The following SIX1 variants were observed in gnomAD, a reference collection of about 807,000 sequenced individuals.
SIX1 encodes SIX homeobox 1, also known as homeobox protein SIX1.
Under a neutral mutation model 26.5 loss-of-function variants are expected in SIX1, and 11 were observed. The observed-to-expected ratio is 0.41, with a 90% CI of 0.26 to 0.69. The LOEUF is 0.69. Ranked by LOEUF, SIX1 falls within the 30% of genes least tolerant of loss-of-function variation. The probability of loss-of-function intolerance (pLI) is 0.28; values close to 1 mark genes in which losing one functional copy is unlikely to be tolerated. For missense variants in SIX1, 333 were observed against 365.9 expected, an observed-to-expected ratio of 0.91 and a Z score of 0.73; for synonymous variants, 177 against 166.2, an observed-to-expected ratio of 1.06 and a Z score of -0.50.
rs1894933626 is a variant in SIX1 at position 60,646,037 on chromosome 14, CT to C, written c.*245del. 4 of 302,680 alleles carry C rather than the reference CT, an allele frequency of 1.3e-5. No homozygotes were observed. The highest frequency in any genetic ancestry group is 1.1e-4 in the Admixed American group (2 of 18,784). The allele number at this position is 302,680 out of a possible 1,614,324, so 18.7% of individuals were successfully genotyped here. On this transcript the variant is annotated 3_prime_UTR_variant, in exon 2 of 2. Transcript: ENST00000645694. Reference sequence around the variant, plus strand: ...TTTGGGTTTTTTTTTTTTTTTTTCCCTGATCTCTGCATTGGGAAGGAAAATG... The same window carrying C: ...TTTGGGTTTTTTTTTTTTTTTTTCCCGATCTCTGCATTGGGAAGGAAAATG...
In SIX1 at chr14:60,646,017, GTTTTTT is replaced by G; in HGVS notation, c.*260_*265del. 1.0e-5 allele frequency: 2 copies of G among 193,430 alleles called. No homozygotes were observed. Among genetic ancestry groups the G allele is most frequent in the Non-Finnish European group, 2.0e-5 (2 of 101,902 alleles). The allele number at this position is 193,430 out of a possible 1,614,324, so 12.0% of individuals were successfully genotyped here. A position where few individuals can be genotyped will look rare whatever the true frequency, so the allele number is the denominator to read the frequency against. On this transcript the variant is annotated 3_prime_UTR_variant, in exon 2 of 2. Coordinates refer to ENST00000645694, the MANE Select transcript of SIX1 (RefSeq NM_005982.4). The stretch of plus-strand genomic sequence containing the variant: ...TGCCTGGGTGCTTTTGTTTGTTTGG[GTTTTTT>G]TTTTTTTTTTTCCCTGATCTCTGCA...
chr14:60,646,607 TAAAAAAAAA>T (rs34899649), intron 1 of SIX1, 30 bp from the exon 2 acceptor site: 143 of 831,530 alleles, frequency 1.7e-4, no homozygotes, highest in East Asian at 9.6e-4. Context: ...ACCATATGGT[TAAAAAAAAA>T]AAAAAAAAAA....
Position 60,646,403 on chromosome 14 carries a change from G to A in SIX1, c.735C>T (p.Asn245=). ...AGGCTGTTAAGCCCGGGAGAGAATA[G>A]TTTGAGCTCCTGGCGTGGCCCATAT... ...QGNMGHARSS[N]YSLPGLTASQ... The change falls in exon 2 of 2, where the codon AAC becomes AAT. Residue 245 remains asparagine, a synonymous_variant. Transcript: ENST00000645694. 1 of 1,614,066 alleles carries A rather than the reference G, an allele frequency of 6.2e-7. No homozygotes were observed. The highest frequency in any genetic ancestry group is 8.5e-7 in the Non-Finnish European group (1 of 1,180,018).
rs1433731573 is a variant in SIX1 at position 60,646,082 on chromosome 14, GAGAGA to G, written c.*196_*200del. ...GAAAATGCAAAAGTGGAAAGAGTTG[GAGAGA>G]AGAGGAGATTAAGCTTGAGATCGCT... On this transcript the variant is annotated 3_prime_UTR_variant, in exon 2 of 2. Coordinates refer to ENST00000645694, the MANE Select transcript of SIX1 (RefSeq NM_005982.4). 1.3e-5 allele frequency: 7 copies of G among 530,614 alleles called. No homozygotes were observed. The highest frequency in any genetic ancestry group is 1.1e-4 in the African/African-American group (6 of 52,622). 32.9% of individuals were successfully genotyped at this position (530,614 alleles called of 1,614,324 possible). A position where few individuals can be genotyped will look rare whatever the true frequency, so the allele number is the denominator to read the frequency against.
rs200205240 is a variant in SIX1 at position 60,646,384 on chromosome 14, T to A, written c.754A>T (p.Thr252Ser). The A allele has an allele frequency of 8.1e-6, 13 of 1,613,876 alleles. No homozygotes were observed. In the African/African-American group the frequency reaches 1.7e-4, roughly 22 times the overall value. ...AGGCCGTGACTGGGCTGCGAGGCTG[T>A]TAAGCCCGGGAGAGAATAGTTTGAG... The part of the protein sequence containing the change: ...RSSNYSLPGL[T>S]ASQPSHGLQT... Residue 252 changes from threonine to serine, a missense_variant, in exon 2 of 2, where the codon ACA becomes TCA. Thr to Ser is a moderately conservative substitution (Grantham distance 58). This residue lies in a region of SIX1 where 199 missense variants were observed against 215.2 expected (regional missense o/e 0.92). Coordinates refer to ENST00000645694, the MANE Select transcript of SIX1 (RefSeq NM_005982.4).
In SIX1 at chr14:60,648,607, G is replaced by A. The variant is rs1460226652; in HGVS notation, c.560+23C>T. The A allele has an allele frequency of 1.3e-6, 2 of 1,597,230 alleles. No homozygotes were observed. Among genetic ancestry groups the A allele is most frequent in the Admixed American group, 1.7e-5 (1 of 57,302 alleles). ...AGGACGGCTTCCTAGGGTCGCCCGA[G>A]TCGCGGGAAGCACGCCGCGTACCTT... On this transcript the variant is annotated intron_variant, in intron 1 of 1. Coordinates refer to ENST00000645694, the MANE Select transcript of SIX1 (RefSeq NM_005982.4). The surrounding 1 kb of genome is among the most constrained non-coding windows in gnomAD (Gnocchi z 7.9).
At position 60,647,651 on chromosome 14, in the gene SIX1, A is replaced by C. The variant is rs1378030621; in HGVS notation, c.560+979T>G. Among the ~76,000 whole-genome samples the C allele has an allele frequency of 1.3e-5, 2 of 151,516 alleles. No homozygotes were observed. The highest frequency in any genetic ancestry group is 6.6e-5 in the Admixed American group (1 of 15,220). ...AAAGGGAGCAAGATCTTCGGCCCCT[A>C]GTCTTGGAAGCGAACAAAGGAAAAC... On this transcript the variant is annotated intron_variant, in intron 1 of 1. Coordinates refer to ENST00000645694, the MANE Select transcript of SIX1 (RefSeq NM_005982.4). The surrounding 1 kb of genome is among the most constrained non-coding windows in gnomAD (Gnocchi z 5.1).
Position 60,646,324 on chromosome 14 carries a change from G to A in SIX1, c.814C>T (p.Leu272Phe). The A allele has an allele frequency of 6.2e-7, 1 of 1,613,758 alleles. No individual in the cohort carries two copies. The highest frequency in any genetic ancestry group is 8.5e-7 in the Non-Finnish European group (1 of 1,179,840). The change falls in exon 2 of 2, where the codon CTC (leucine) becomes TTC (phenylalanine). Residue 272 changes from leucine (L) to phenylalanine (F), a missense_variant. This residue lies in a region of SIX1 where 199 missense variants were observed against 215.2 expected (regional missense o/e 0.92). Coordinates refer to ENST00000645694, the MANE Select transcript of SIX1 (RefSeq NM_005982.4). ...ACCAGACTGGAGGTGAGGGGGCCGA[G>A]CAGAGAGTCTTGGAGCTGATGCTGG... ...THQHQLQDSL[L>F]GPLTSSLVDL...
chr14:60,648,551 GC>G lies in SIX1; in HGVS notation c.560+78del. On this transcript the variant is annotated intron_variant, in intron 1 of 1. Transcript: ENST00000645694. The surrounding 1 kb of genome is among the most constrained non-coding windows in gnomAD (Gnocchi z 7.9). ...CGGCGGGGAGGACTTGGTGGCTGGT[GC>G]CTGCGGGGGCGGGAGGGGGCGGAGG... 1 of 1,420,532 alleles carries G rather than the reference GC, an allele frequency of 7.0e-7. No homozygotes were observed. The highest frequency in any genetic ancestry group is 9.6e-7 in the Non-Finnish European group (1 of 1,036,418). 88.0% of individuals were successfully genotyped at this position (1,420,532 alleles called of 1,614,324 possible).
At position 60,648,584 on chromosome 14, in the gene SIX1, G is replaced by T; in HGVS notation, c.560+46C>A. 6.4e-7 allele frequency: 1 copy of T among 1,555,610 alleles called. No individual in the cohort carries two copies. ...GGGCGGGAGGGGGCGGAGGAGAAAGGACGGCTTCCTAGGGTCGCCCGAGTC... is the reference window on the plus strand; with the variant it reads ...GGGCGGGAGGGGGCGGAGGAGAAAGTACGGCTTCCTAGGGTCGCCCGAGTC... On this transcript the variant is annotated intron_variant, in intron 1 of 1. Transcript: ENST00000645694. This position sits in a 1 kb window ranked among gnomAD's most constrained non-coding sequence, Gnocchi z 7.9.
chr14:60,647,492 C>T lies in SIX1; in HGVS notation c.561-915G>A, dbSNP rs535759902. 6.6e-6 allele frequency among the ~76,000 whole-genome samples: 1 copy of T among 152,220 alleles called. No individual in the cohort carries two copies. Among genetic ancestry groups the T allele is most frequent in the Admixed American group, 6.5e-5 (1 of 15,288 alleles). ...CGCTTCCCTCGCCGCTTCCGCCTTC[C>T]GAGTGCTCGTCAGTCCTCCCGACTC... On this transcript the variant is annotated intron_variant, in intron 1 of 1. Transcript: ENST00000645694. This position sits in a 1 kb window ranked among gnomAD's most constrained non-coding sequence, Gnocchi z 5.1.
In SIX1 at chr14:60,645,170, C is replaced by G. The variant is rs1461321396; in HGVS notation, c.*1113G>C. 2 of 151,776 alleles carry G rather than the reference C, an allele frequency of 1.3e-5. No homozygotes were observed. The highest frequency in any genetic ancestry group is 3.9e-4 in the East Asian group (2 of 5,194). The allele number at this position is 151,776 out of a possible 1,614,324, so 9.4% of individuals were successfully genotyped here. A position where few individuals can be genotyped will look rare whatever the true frequency, so the allele number is the denominator to read the frequency against. On this transcript the variant is annotated 3_prime_UTR_variant, in exon 2 of 2. Transcript: ENST00000645694. This position sits in a 1 kb window ranked among gnomAD's most constrained non-coding sequence, Gnocchi z 4.6. ...GGCCTTCAAAGTACCCTGCAATTCACAGCCACCATTAAGTAAGAAAGAAAA... is the reference window on the plus strand; with the variant it reads ...GGCCTTCAAAGTACCCTGCAATTCAGAGCCACCATTAAGTAAGAAAGAAAA...
Position 60,648,930 on chromosome 14 carries a change from C to G in SIX1, c.260G>C (p.Trp87Ser). 1 of 1,614,232 alleles carries G rather than the reference C, an allele frequency of 6.2e-7. No homozygotes were observed. Among genetic ancestry groups the G allele is most frequent in the Non-Finnish European group, 8.5e-7 (1 of 1,180,040 alleles). Residue 87 changes from tryptophan to serine, a missense_variant, in exon 1 of 2, where the codon TGG (tryptophan) becomes TCG (serine). Transcript: ENST00000645694. The surrounding 1 kb of genome is among the most constrained non-coding windows in gnomAD (Gnocchi z 7.9). ...PHNHPKLQQL[W>S]LKAHYVEAEK... Reference sequence around the variant, plus strand: ...GGCCTCCACGTAATGCGCCTTCAGCCACAGTTGCTGCAGTTTGGGGTGGTT... The same window carrying G: ...GGCCTCCACGTAATGCGCCTTCAGCGACAGTTGCTGCAGTTTGGGGTGGTT...
Position 60,648,210 on chromosome 14 carries a change from T to A in SIX1, c.560+420A>T, listed in dbSNP as rs979907215. ...CAATGTCTCAGGCCAGCTTCACCCC[T>A]CTGGGGAGCAAGAGGAGAGAGGTTC... is the stretch of plus-strand genomic sequence containing the variant. On this transcript the variant is annotated intron_variant, in intron 1 of 1. Coordinates refer to ENST00000645694, the MANE Select transcript of SIX1 (RefSeq NM_005982.4). The surrounding 1 kb of genome is among the most constrained non-coding windows in gnomAD (Gnocchi z 7.9). Among the ~76,000 whole-genome samples the A allele has an allele frequency of 6.6e-6, 1 of 151,782 alleles. No individual in the cohort carries two copies. Among genetic ancestry groups the A allele is most frequent in the Non-Finnish European group, 1.5e-5 (1 of 67,812 alleles).
rs908506374 is a variant in SIX1, at chr14:60,644,608, G to A, written c.*1675C>T. ...TATTAATGGTGACAATTATAGATGG[G>A]AAAAAATCAAAATTATGAAACTGTC... On this transcript the variant is annotated 3_prime_UTR_variant, in exon 2 of 2. Transcript: ENST00000645694. 6.6e-6 allele frequency: 1 copy of A among 152,154 alleles called. No homozygotes were observed. 9.4% of individuals were successfully genotyped at this position (152,154 alleles called of 1,614,324 possible).
rs1457650444 is a variant in SIX1 at position 60,647,157 on chromosome 14, C to G, written c.561-580G>C. 1.3e-5 allele frequency among the ~76,000 whole-genome samples: 2 copies of G among 152,302 alleles called. No homozygotes were observed. Among genetic ancestry groups the G allele is most frequent in the South Asian group, 2.1e-4 (1 of 4,824 alleles). On this transcript the variant is annotated intron_variant, in intron 1 of 1. Coordinates refer to ENST00000645694, the MANE Select transcript of SIX1 (RefSeq NM_005982.4). This position sits in a 1 kb window ranked among gnomAD's most constrained non-coding sequence, Gnocchi z 5.1. ...AGGTCATGGGAAGTGGTGCCCAGCG[C>G]GGCCCAGTGACCTGAGTAAACACAG... is the stretch of plus-strand genomic sequence containing the variant.
chr14:60,648,647 G>T lies in SIX1; in HGVS notation c.543C>A (p.Ala181=), dbSNP rs764138955. 1 of 1,613,710 alleles carries T rather than the reference G, an allele frequency of 6.2e-7. No homozygotes were observed. Among genetic ancestry groups the T allele is most frequent in the Admixed American group, 1.7e-5 (1 of 59,970 alleles). The change falls in exon 1 of 2, where the codon GCC becomes GCA. Residue 181 remains alanine (A), a synonymous_variant. Transcript: ENST00000645694. The surrounding 1 kb of genome is among the most constrained non-coding windows in gnomAD (Gnocchi z 7.9). ...WFKNRRQRDR[A]AEAKERENTE... ...CCGCGTACCTTTCCTTGGCCTCCGC[G>T]GCCCGGTCTCTTTGCCTCCGGTTCT...
At position 60,648,375 on chromosome 14, in the gene SIX1, A is replaced by C. The variant is rs1894989347; in HGVS notation, c.560+255T>G. ...AGGCATAAAGACCAAATCTAGCGCC[A>C]ATATTTCCCGACACTCACATCCCAG... On this transcript the variant is annotated intron_variant, in intron 1 of 1. Coordinates refer to ENST00000645694, the MANE Select transcript of SIX1 (RefSeq NM_005982.4). The surrounding 1 kb of genome is among the most constrained non-coding windows in gnomAD (Gnocchi z 7.9). Among the ~76,000 whole-genome samples, 1 of 152,174 alleles carries C rather than the reference A, an allele frequency of 6.6e-6. No homozygotes were observed. The highest frequency in any genetic ancestry group is 6.5e-5 in the Admixed American group (1 of 15,288).
chr14:60,648,294 C>T lies in SIX1; in HGVS notation c.560+336G>A, dbSNP rs1354449186. ...GCGACACCAATCAACATTTCACTGC[C>T]CGTTGATTTAGAAACTCACTCTCCA... is the stretch of plus-strand genomic sequence containing the variant. On this transcript the variant is annotated intron_variant, in intron 1 of 1. Coordinates refer to ENST00000645694, the MANE Select transcript of SIX1 (RefSeq NM_005982.4). This position sits in a 1 kb window ranked among gnomAD's most constrained non-coding sequence, Gnocchi z 7.9. Among the ~76,000 whole-genome samples, 1 of 152,122 alleles carries T rather than the reference C, an allele frequency of 6.6e-6. No homozygotes were observed. The highest frequency in any genetic ancestry group is 6.5e-5 in the Admixed American group (1 of 15,282).
Sources: gnomAD v4.1 joint callset for allele counts (sites outside exome capture counted in the v4.1 genomes callset) on GRCh38, gnomAD v4.1.1 for gene constraint, gnomAD v4.1.1 regional missense constraint, Gnocchi (gnomAD v3.1) non-coding constraint, MANE v1.5 for transcripts, NCBI Gene and HGNC (gene_info 2026-07-23, HGNC 2026-07-21) for gene names.